STK25: variants seen among roughly 807,000 people sequenced by gnomAD.
STK25 encodes serine/threonine kinase 25.
In STK25, 29 loss-of-function variants were observed where a neutral mutation model predicts 53.8. That is an observed-to-expected ratio of 0.54 (90% CI 0.40 to 0.74). STK25 has a LOEUF of 0.74. STK25 is among the 30% of genes least tolerant of loss of function. The pLI is 0.00. For synonymous variants in STK25, 247 were observed against 238.3 expected (o/e 1.04, Z -0.33); for missense variants, 420 against 568.0 (o/e 0.74, Z 2.65).
At chr2:241,508,156 G>A in intron 1 of STK25, 21 bp from the exon 2 acceptor site, 1 of 1,463,310 alleles carries the variant, frequency 6.8e-7, no homozygotes, top group Non-Finnish European at 9.0e-7. Flanking sequence ...CACCAGGGGC[G>A]CTCGGTGCCC....
At chr2:241,507,326 A>G (rs115111813) in intron 2 of STK25, among the ~76,000 whole-genome samples, 5,579 of 152,210 alleles carry the variant, frequency 0.037, 328 homozygotes, top group African/African-American at 0.13. Context: ...GGCTCGCCGT[A>G]GTGGCTCCCT....
Position 241,508,464 on chromosome 2 carries a change from C to T in STK25, c.-122G>A. On this transcript the variant is annotated 5_prime_UTR_variant, in exon 1 of 12. Coordinates refer to ENST00000316586, the MANE Select transcript of STK25 (RefSeq NM_001271977.2). ...CCACCTCCGCGGGGCTCCATCCCGG[C>T]CTCCCCCGGCCCGCTCTGCAGCGCC... is the stretch of plus-strand genomic sequence containing the variant. 9.3e-7 allele frequency: 1 copy of T among 1,069,816 alleles called. No homozygotes were observed. The allele number at this position is 1,069,816 out of a possible 1,614,324, so 66.3% of individuals were successfully genotyped here.
rs1304976942 is a variant in STK25, at chr2:241,501,092, T to G, written c.262-296A>C. The G allele has an allele frequency of 1.2e-5, 7 of 562,926 alleles. No individual in the cohort carries two copies. Among genetic ancestry groups the G allele is most frequent in the Non-Finnish European group, 2.2e-5 (7 of 313,608 alleles). The allele number at this position is 562,926 out of a possible 1,614,324, so 34.9% of individuals were successfully genotyped here. On this transcript the variant is annotated intron_variant, in intron 3 of 11. Transcript: ENST00000316586. The surrounding 1 kb of genome is among the most constrained non-coding windows in gnomAD (Gnocchi z 5.3). ...GTCCTACAGGGCTGGGAAGAGGGCA[T>G]GGCTGGCAAGCATGTGACCCGACAC...
intron 2 of STK25, among the ~76,000 whole-genome samples, chr2:241,507,704 A>G (rs1243257812): frequency 6.6e-6 from 1 of 152,200 alleles, no homozygotes; most frequent in Non-Finnish European, 1.5e-5. Flanking sequence ...CGCTGGGGGC[A>G]GCGCCCCGTC....
In STK25 at chr2:241,495,548, C is replaced by T. The variant is rs1416302377; in HGVS notation, c.*114G>A. 3 of 1,175,908 alleles carry T rather than the reference C, an allele frequency of 2.6e-6. No homozygotes were observed. Among genetic ancestry groups the T allele is most frequent in the African/African-American group, 1.5e-5 (1 of 66,462 alleles). 72.8% of individuals were successfully genotyped at this position (1,175,908 alleles called of 1,614,324 possible). On this transcript the variant is annotated 3_prime_UTR_variant, in exon 12 of 12. Transcript: ENST00000316586. ...GGCATGTGAGGCCCACGGGATCCGA[C>T]GTGTCCCTGCAGGCACGACATAGCA...
intron 2 of STK25, among the ~76,000 whole-genome samples, chr2:241,506,762 C>T (rs1011445722): frequency 6.6e-5 from 10 of 151,994 alleles, no homozygotes; most frequent in Non-Finnish European, 8.8e-5. Flanking sequence ...AGCGAAACTC[C>T]GTCTCAAAAA....
rs766469175 is a variant in STK25, at chr2:241,501,670, G to A, written c.69C>T (p.Leu23=). 1.7e-5 allele frequency: 28 copies of A among 1,613,824 alleles called. No individual in the cohort carries two copies. In the East Asian group the frequency reaches 1.8e-4, roughly 10 times the overall value. ...RVDPEELFTK[L]DRIGKGSFGE... ...CAAACGAGCCCTTGCCAATGCGGTC[G>A]AGCTTGGTGAAGAGCTCCTCAGGGT... Residue 23 remains leucine (L), a synonymous_variant, in exon 3 of 12, where the codon CTC becomes CTT. Coordinates refer to ENST00000316586, the MANE Select transcript of STK25 (RefSeq NM_001271977.2). The surrounding 1 kb of genome is among the most constrained non-coding windows in gnomAD (Gnocchi z 5.3).
At chr2:241,500,145 C>A in intron 5 of STK25, 28 bp downstream of exon 5, 1 of 1,598,470 alleles carries the variant, frequency 6.3e-7, no homozygotes, top group Non-Finnish European at 8.6e-7. Context: ...CAGGACGTTA[C>A]AAGAGCCACA....
Position 241,493,666 on chromosome 2 carries a change from C to T in STK25, c.*1996G>A. ...CTGGAGTGCAGTGATACAATCTTGGCTCACTATAACCTGCACCTCCAGGGT... is the reference window on the plus strand; with the variant it reads ...CTGGAGTGCAGTGATACAATCTTGGTTCACTATAACCTGCACCTCCAGGGT... On this transcript the variant is annotated 3_prime_UTR_variant, in exon 12 of 12. Transcript: ENST00000316586. 1.7e-6 allele frequency: 1 copy of T among 572,958 alleles called. No individual in the cohort carries two copies. The allele number at this position is 572,958 out of a possible 1,614,324, so 35.5% of individuals were successfully genotyped here. A position where few individuals can be genotyped will look rare whatever the true frequency, so the allele number is the denominator to read the frequency against.
chr2:241,495,641 C>T lies in STK25; in HGVS notation c.*21G>A, dbSNP rs780597477. ...ACAAAAACAAACGACCTTCCGTCCC[C>T]TATCTGAACAGCAGTGCGCTTCAGC... On this transcript the variant is annotated 3_prime_UTR_variant, in exon 12 of 12. Coordinates refer to ENST00000316586, the MANE Select transcript of STK25 (RefSeq NM_001271977.2). 1 of 1,614,106 alleles carries T rather than the reference C, an allele frequency of 6.2e-7. No individual in the cohort carries two copies. Among genetic ancestry groups the T allele is most frequent in the Non-Finnish European group, 8.5e-7 (1 of 1,179,924 alleles).
At chr2:241,502,345 C>T (rs35967683) in intron 2 of STK25, among the ~76,000 whole-genome samples, 41,872 of 152,032 alleles carry the variant, frequency 0.28, 5,971 homozygotes, top group East Asian at 0.42. Context: ...AACAACATGC[C>T]AGCCCCGTGA....
rs745948966 is a variant in STK25, at chr2:241,493,009, C to CTGTT, written c.*2649_*2652dup. On this transcript the variant is annotated 3_prime_UTR_variant, in exon 12 of 12. Transcript: ENST00000316586. ...AGCTCTGGGTCGTCTTTACCAACTT[C>CTGTT]TGTTTGTTCTTCTACAAAACTCATC... 3.1e-6 allele frequency: 5 copies of CTGTT among 1,607,264 alleles called. No homozygotes were observed. The highest frequency in any genetic ancestry group is 2.2e-5 in the South Asian group (2 of 90,948).
chr2:241,493,448 A>G lies in STK25; in HGVS notation c.*2214T>C. 1 of 1,613,586 alleles carries G rather than the reference A, an allele frequency of 6.2e-7. No homozygotes were observed. The highest frequency in any genetic ancestry group is 1.3e-5 in the African/African-American group (1 of 75,010). On this transcript the variant is annotated 3_prime_UTR_variant, in exon 12 of 12. Coordinates refer to ENST00000316586, the MANE Select transcript of STK25 (RefSeq NM_001271977.2). ...AGAGCAAGTACACATTTGAAAGGTA[A>G]TTTTGCAGGAGGCAGCCCTGGTCAG...
rs35269447 is a variant in STK25 at position 241,500,293 on chromosome 2, G to A, written c.319-12C>T. Reference sequence around the variant, plus strand: ...GGACCTGGTTTAAGCTGGAGAGGAAGGTGCGACAGCAGGGCCTCAGCTCCT... The same window carrying A: ...GGACCTGGTTTAAGCTGGAGAGGAAAGTGCGACAGCAGGGCCTCAGCTCCT... On this transcript the variant is annotated splice_polypyrimidine_tract_variant and intron_variant, in intron 4 of 11. Coordinates refer to ENST00000316586, the MANE Select transcript of STK25 (RefSeq NM_001271977.2). 0.022 allele frequency: 35,077 copies of A among 1,601,590 alleles called. 471 individuals are homozygous for A. Among genetic ancestry groups the A allele is most frequent in the Non-Finnish European group, 0.026 (30,565 of 1,169,002 alleles).
At chr2:241,498,151 G>T in intron 9 of STK25, 84 bp downstream of exon 9, 2 of 1,288,630 alleles carry the variant, frequency 1.6e-6, no homozygotes, top group South Asian at 1.2e-5. Context: ...TCCAGACACT[G>T]GGTGGACAAA....
intron 9 of STK25, among the ~76,000 whole-genome samples, 168 bp from the exon 10 acceptor site, chr2:241,497,855 C>T (rs934747225): frequency 6.6e-6 from 1 of 151,740 alleles, no homozygotes; most frequent in African/African-American, 2.4e-5. Flanking sequence ...GATGGCCTGA[C>T]TCTGAGGGCG....
rs1032451433 is a variant in STK25, at chr2:241,495,319, G to A, written c.*343C>T. 11 of 267,700 alleles carry A rather than the reference G, an allele frequency of 4.1e-5. No individual in the cohort carries two copies. Among genetic ancestry groups the A allele is most frequent in the Non-Finnish European group, 7.3e-5 (10 of 137,506 alleles). The allele number at this position is 267,700 out of a possible 1,614,324, so 16.6% of individuals were successfully genotyped here. On this transcript the variant is annotated 3_prime_UTR_variant, in exon 12 of 12. Coordinates refer to ENST00000316586, the MANE Select transcript of STK25 (RefSeq NM_001271977.2). ...AGAGCTGCCCTGATAGTTGCTCTGC[G>A]CCTTGGTCTGAGCGGCCATAGGGCT... is the stretch of plus-strand genomic sequence containing the variant.
chr2:241,495,515 G>T lies in STK25; in HGVS notation c.*147C>A. Reference sequence around the variant, plus strand: ...CAGGGGTGGAAGGAGACGGTGACCTGGTGACCTGGCATGTGAGGCCCACGG... The same window carrying T: ...CAGGGGTGGAAGGAGACGGTGACCTTGTGACCTGGCATGTGAGGCCCACGG... On this transcript the variant is annotated 3_prime_UTR_variant, in exon 12 of 12. Coordinates refer to ENST00000316586, the MANE Select transcript of STK25 (RefSeq NM_001271977.2). 1.3e-6 allele frequency: 1 copy of T among 776,902 alleles called. No homozygotes were observed. Among genetic ancestry groups the T allele is most frequent in the Non-Finnish European group, 2.2e-6 (1 of 455,796 alleles). The allele number at this position is 776,902 out of a possible 1,614,324, so 48.1% of individuals were successfully genotyped here.
rs954377435 is a variant in STK25, at chr2:241,493,153, C to G, written c.*2509G>C. On this transcript the variant is annotated 3_prime_UTR_variant, in exon 12 of 12. Coordinates refer to ENST00000316586, the MANE Select transcript of STK25 (RefSeq NM_001271977.2). ...GCCCTCCCATGCTTTGCCCACACAC[C>G]CTGTGCTGTGTGAACAGGGAAACTG... is the stretch of plus-strand genomic sequence containing the variant. The G allele has an allele frequency of 1.7e-6, 2 of 1,170,418 alleles. No individual in the cohort carries two copies. Among genetic ancestry groups the G allele is most frequent in the Non-Finnish European group, 2.5e-6 (2 of 791,890 alleles). 72.5% of individuals were successfully genotyped at this position (1,170,418 alleles called of 1,614,324 possible).
Sources: gnomAD v4.1 joint callset for allele counts (sites outside exome capture counted in the v4.1 genomes callset) on GRCh38, gnomAD v4.1.1 for gene constraint, Gnocchi (gnomAD v3.1) non-coding constraint, MANE v1.5 for transcripts, NCBI Gene and HGNC (gene_info 2026-07-23, HGNC 2026-07-21) for gene names.